FLT3LG: variants seen among roughly 807,000 people sequenced by gnomAD.
FLT3LG encodes fms-related tyrosine kinase 3 ligand.
FLT3LG carries 8 observed loss-of-function variants against 30.9 expected under a neutral mutation model. The ratio of observed to expected loss-of-function variants is 0.26; its 90% CI spans 0.15 to 0.47. FLT3LG has a LOEUF of 0.47. Among genes scored for constraint, FLT3LG ranks in the 20% least tolerant of loss-of-function variants. The probability of loss-of-function intolerance (pLI) is 0.99; values close to 1 mark genes in which losing one functional copy is unlikely to be tolerated. For synonymous variants in FLT3LG, 123 were observed against 135.9 expected (o/e 0.91, Z 0.66); for missense variants, 278 against 306.2 (o/e 0.91, Z 0.69).
intron 8 of FLT3LG, among the ~76,000 whole-genome samples, chr19:49,485,353 G>A (rs112775507): frequency 2.7e-5 from 4 of 149,828 alleles, no homozygotes; most frequent in African/African-American, 7.4e-5. Context: ...AGGTTCAAGC[G>A]ATTCTCCTGC....
At chr19:49,483,953 C>T (rs11878585) in intron 8 of FLT3LG, among the ~76,000 whole-genome samples, 4 of 149,828 alleles carry the variant, frequency 2.7e-5, no homozygotes, top group South Asian at 4.2e-4. Context: ...GGCACGATCT[C>T]GGCTCACTGC....
At chr19:49,483,027 T>G (rs2079667975) in intron 8 of FLT3LG, among the ~76,000 whole-genome samples, 1 of 152,228 alleles carries the variant, frequency 6.6e-6, no homozygotes, top group Non-Finnish European at 1.5e-5. Flanking sequence ...TCTCAATGAT[T>G]AATGAGACAT....
chr19:49,475,741 G>C lies in FLT3LG; in HGVS notation c.84G>C (p.Gln28His). 6.2e-7 allele frequency: 1 copy of C among 1,612,018 alleles called. No homozygotes were observed. ...TGAGCTCGGGACTCAGTGGGACCCA[G>C]GACTGCTCCTTCCAACACAGCCCCA... is the stretch of plus-strand genomic sequence containing the variant. Reference protein sequence around the residue: ...LLLSSGLSGTQDCSFQHSPIS... With the variant: ...LLLSSGLSGTHDCSFQHSPIS... The change falls in exon 3 of 9, where the codon CAG becomes CAC. Residue 28 changes from glutamine to histidine, a missense_variant. Around this residue, in one of 3 missense-constraint regions of FLT3LG, gnomAD observed 40 missense variants for 34.3 expected, o/e 1.17. Coordinates refer to ENST00000597551, the MANE Select transcript of FLT3LG (RefSeq NM_001459.4).
intron 8 of FLT3LG, among the ~76,000 whole-genome samples, chr19:49,483,942 T>G (rs2079704119): frequency 6.9e-6 from 1 of 145,984 alleles, no homozygotes; most frequent in South Asian, 2.3e-4. Context: ...TGGAGTGCAG[T>G]GGCACGATCT....
intron 5 of FLT3LG, among the ~76,000 whole-genome samples, chr19:49,478,542 G>C (rs2079478118): frequency 1.3e-5 from 2 of 151,942 alleles, no homozygotes; most frequent in Non-Finnish European, 2.9e-5. Context: ...GGAGGCCAAG[G>C]TGGGCAGATC....
At position 49,474,604 on chromosome 19, in the gene FLT3LG, C is replaced by T. The variant is rs914021131; in HGVS notation, c.-36C>T. The T allele has an allele frequency of 1.2e-6, 2 of 1,610,682 alleles. No individual in the cohort carries two copies. Among genetic ancestry groups the T allele is most frequent in the African/African-American group, 2.7e-5 (2 of 74,842 alleles). ...ACTTGTTCTTCTGTCCCTTCCAAGA[C>T]CCGGCGACAGGAGGCATGAGGGGCC... On this transcript the variant is annotated splice_region_variant and 5_prime_UTR_variant, in exon 2 of 9. Transcript: ENST00000597551.
rs577694985 is a variant in FLT3LG, at chr19:49,484,716, C to T, written c.*22-1299C>T. Reference sequence around the variant, plus strand: ...TTCACCATATTGGCCAGGCTGATCTCGAACTCCTGACCTCGTGATCTGCCC... The same window carrying T: ...TTCACCATATTGGCCAGGCTGATCTTGAACTCCTGACCTCGTGATCTGCCC... On this transcript the variant is annotated intron_variant, in intron 8 of 8. Transcript: ENST00000597551. 1.5e-4 allele frequency among the ~76,000 whole-genome samples: 23 copies of T among 151,974 alleles called. No individual in the cohort carries two copies. The East Asian group carries it at 4.1e-3, about 27-fold the overall frequency.
At chr19:49,474,348 G>T in intron 1 of FLT3LG, 67 bp downstream of exon 1, 3 of 562,330 alleles carry the variant, frequency 5.3e-6, no homozygotes, top group Non-Finnish European at 9.5e-6. Flanking sequence ...CCTGGGGCAG[G>T]GGGAGCAGAG....
At chr19:49,475,238 AG>A (rs1434899542) in intron 2 of FLT3LG, among the ~76,000 whole-genome samples, 2 of 65,234 alleles carry the variant, frequency 3.1e-5, no homozygotes, top group Non-Finnish European at 5.5e-5. Flanking sequence ...TGGACAGAGG[AG>A]GGGGAGATGG....
chr19:49,474,849 T>G (rs1325032215), intron 2 of FLT3LG, among the ~76,000 whole-genome samples, 177 bp downstream of exon 2: 186 of 63,044 alleles, frequency 3.0e-3, no homozygotes, highest in Non-Finnish European at 3.3e-3. Context: ...GAGGGGGAGA[T>G]GGACAGAGGA....
At chr19:49,484,162 C>T (rs1484187465) in intron 8 of FLT3LG, among the ~76,000 whole-genome samples, 2 of 148,270 alleles carry the variant, frequency 1.3e-5, no homozygotes, top group East Asian at 3.9e-4. Context: ...GGATTATAGG[C>T]GTGAGCCACC....
At chr19:49,482,282 C>T (rs139688267) in intron 8 of FLT3LG, 3,156 of 151,314 alleles carry the variant, frequency 0.021, 77 homozygotes, top group Admixed American at 0.071. Context: ...CCCACCACCA[C>T]ACTCGGCTAA....
At chr19:49,475,829 A>T in intron 3 of FLT3LG, 28 bp downstream of exon 3, 5 of 1,468,326 alleles carry the variant, frequency 3.4e-6, no homozygotes, top group Non-Finnish European at 4.6e-6. Flanking sequence ...GGACCCCCTC[A>T]TGTGATCCCC....
intron 3 of FLT3LG, 28 bp downstream of exon 3, chr19:49,475,829 AT>A: frequency 6.8e-7 from 1 of 1,468,318 alleles, no homozygotes. Flanking sequence ...GGACCCCCTC[AT>A]GTGATCCCCC....
At chr19:49,475,282 G>A (rs2079351514) in intron 2 of FLT3LG, among the ~76,000 whole-genome samples, 1 of 151,636 alleles carries the variant, frequency 6.6e-6, no homozygotes, top group Admixed American at 6.6e-5. Context: ...AGAGGAGAGG[G>A]AAGGTGGACA....
chr19:49,477,004 G>A (rs780036163), intron 5 of FLT3LG, among the ~76,000 whole-genome samples: 1 of 151,974 alleles, frequency 6.6e-6, no homozygotes, highest in Non-Finnish European at 1.5e-5. Flanking sequence ...AAAATTAGCC[G>A]GGCATGGTGG....
chr19:49,476,812 G>T lies in FLT3LG; in HGVS notation c.342+246G>T. 2.1e-6 allele frequency: 1 copy of T among 479,490 alleles called. No homozygotes were observed. The highest frequency in any genetic ancestry group is 4.1e-5 in the East Asian group (1 of 24,296). The allele number at this position is 479,490 out of a possible 1,614,324, so 29.7% of individuals were successfully genotyped here. ...AGGCCATGATGAAGGGTGCCACTGAGGGGTTCTTCCCCCAAAAAAAAACAG... is the reference window on the plus strand; with the variant it reads ...AGGCCATGATGAAGGGTGCCACTGATGGGTTCTTCCCCCAAAAAAAAACAG... On this transcript the variant is annotated intron_variant, in intron 5 of 8. Transcript: ENST00000597551. The surrounding 1 kb of genome is among the most constrained non-coding windows in gnomAD (Gnocchi z 5.3).
Position 49,477,691 on chromosome 19 carries a change from G to A in FLT3LG, c.342+1125G>A, listed in dbSNP as rs149206138. ...CAGGAGGCAGAGGTTGCAGTGAGCC[G>A]AGATCACACCACTGCCCTCCAGCCT... On this transcript the variant is annotated intron_variant, in intron 5 of 8. Coordinates refer to ENST00000597551, the MANE Select transcript of FLT3LG (RefSeq NM_001459.4). Among the ~76,000 whole-genome samples, 880 of 150,634 alleles carry A rather than the reference G, an allele frequency of 5.8e-3. 9 individuals carry two copies. The highest frequency in any genetic ancestry group is 0.02 in the African/African-American group (828 of 40,954).
rs562390498 is a variant in FLT3LG, at chr19:49,474,520, G to C, written c.-37-83G>C. 3.9e-5 allele frequency: 38 copies of C among 964,460 alleles called. No homozygotes were observed. The Admixed American group carries it at 7.4e-4, about 19-fold the overall frequency. The allele number at this position is 964,460 out of a possible 1,614,324, so 59.7% of individuals were successfully genotyped here. ...AAACTCAGCCACATCAATGGGACGC[G>C]GGAGGGGCGGGGAGGCAAAGGGGCG... On this transcript the variant is annotated intron_variant, in intron 1 of 8. Coordinates refer to ENST00000597551, the MANE Select transcript of FLT3LG (RefSeq NM_001459.4).
Sources: allele counts gnomAD v4.1 joint callset (sites outside exome capture counted in the v4.1 genomes callset), GRCh38; gene constraint gnomAD v4.1.1; regional missense constraint gnomAD v4.1.1; non-coding constraint Gnocchi (gnomAD v3.1); transcripts MANE v1.5; gene names NCBI Gene and HGNC (gene_info 2026-07-23, HGNC 2026-07-21).